The following CCDC171 variants were observed in gnomAD, a reference collection of about 807,000 sequenced individuals.
CCDC171 encodes coiled-coil domain-containing protein 171.
Under a neutral mutation model 168.2 loss-of-function variants are expected in CCDC171, and 177 were observed. The ratio of observed to expected loss-of-function variants is 1.05; its 90% confidence interval spans 0.93 to 1.19. The LOEUF is 1.19. Among genes scored for constraint, CCDC171 ranks in the 50% most tolerant of loss-of-function variants. The probability of loss-of-function intolerance (pLI) is 0.00; values close to 1 mark genes in which losing one functional copy is unlikely to be tolerated. For missense variants in CCDC171, 1,991 were observed against 1,539.0 expected (o/e 1.29, Z -4.91); for synonymous variants, 687 against 540.8 (o/e 1.27, Z -3.75).
the CCDC171 span, among the ~76,000 whole-genome samples, chr9:16,087,663 GA>G: frequency 7.3e-6 from 1 of 137,350 alleles, no homozygotes; most frequent in African/African-American, 2.7e-5. Context: ...TGGGTCTGTT[GA>G]ATACAGCACA....
At chr9:15,983,449 G>A (rs1376422306) in intron 3 of CCDC171, among the ~76,000 whole-genome samples, 2 of 150,566 alleles carry the variant, frequency 1.3e-5, no homozygotes, top group East Asian at 3.9e-4. Flanking sequence ...CCCATATTTT[G>A]TACAGTTTAT....
chr9:15,995,896 T>A (rs1348456021), intron 3 of CCDC171, among the ~76,000 whole-genome samples: 1 of 152,236 alleles, frequency 6.6e-6, no homozygotes, highest in East Asian at 1.9e-4. Context: ...ACTCTTTCAA[T>A]ACACAATCCA....
intron 6 of CCDC171, among the ~76,000 whole-genome samples, chr9:15,620,073 G>T: frequency 6.6e-6 from 1 of 152,132 alleles, no homozygotes; most frequent in East Asian, 1.9e-4. Context: ...CAATGCACTT[G>T]GTTACTGAAG....
At chr9:15,949,079 A>G (rs1042119356) in intron 25 of CCDC171, among the ~76,000 whole-genome samples, 2 of 152,066 alleles carry the variant, frequency 1.3e-5, no homozygotes, top group Non-Finnish European at 2.9e-5. Flanking sequence ...TTAAATAGGG[A>G]ATCCTTTCCC....
intron 21 of CCDC171, among the ~76,000 whole-genome samples, chr9:15,806,271 T>G (rs1019478608): frequency 2.6e-5 from 4 of 151,676 alleles, no homozygotes. Context: ...TGTGGTCCTG[T>G]CATAATGATG....
At chr9:15,927,426 AC>A (rs1826017517) in intron 25 of CCDC171, among the ~76,000 whole-genome samples, 1 of 151,686 alleles carries the variant, frequency 6.6e-6, no homozygotes, top group Non-Finnish European at 1.5e-5. Flanking sequence ...GAAACATGAT[AC>A]TTCAGTCTTG....
intron 25 of CCDC171, among the ~76,000 whole-genome samples, chr9:15,948,007 G>C (rs1828637359): frequency 6.7e-6 from 1 of 149,556 alleles, no homozygotes; most frequent in Non-Finnish European, 1.5e-5. Context: ...CCCACAGTGT[G>C]ATGTTCCCCT....
intron 21 of CCDC171, among the ~76,000 whole-genome samples, chr9:15,804,018 G>T (rs1358404720): frequency 1.3e-5 from 2 of 152,050 alleles, no homozygotes; most frequent in African/African-American, 2.4e-5. Flanking sequence ...GTTCATTCAT[G>T]ATTTGGCTCT....
In CCDC171 at chr9:15,992,777, A is replaced by G. The variant is rs185777048; in HGVS notation, n.369-27812A>G. Among the ~76,000 whole-genome samples the G allele has an allele frequency of 7.9e-5, 12 of 152,344 alleles. No homozygotes were observed. In the East Asian group the frequency reaches 2.1e-3, roughly 27 times the overall value. On this transcript the variant is annotated intron_variant and non_coding_transcript_variant, in intron 3 of 9. Coordinates refer to the CCDC171 transcript ENST00000486641. ...GATACATAATCAATGTGCAAAAATC[A>G]CAAGCATTCTTATACACCAATAACG...
intron 21 of CCDC171, among the ~76,000 whole-genome samples, chr9:15,809,920 A>T (rs2059260803): frequency 1.3e-5 from 2 of 152,104 alleles, no homozygotes; most frequent in Admixed American, 6.5e-5. Flanking sequence ...TCCATTTTAC[A>T]GAGAGCTGTT....
intron 25 of CCDC171, among the ~76,000 whole-genome samples, chr9:15,927,816 T>C (rs111854876): frequency 7.9e-5 from 12 of 151,724 alleles, no homozygotes; most frequent in Non-Finnish European, 1.3e-4. Flanking sequence ...GAGGGATCAT[T>C]TGTTAATTTT....
intron 3 of CCDC171, among the ~76,000 whole-genome samples, chr9:16,002,986 TGC>T (rs1360018853): frequency 6.6e-6 from 1 of 152,228 alleles, no homozygotes; most frequent in Non-Finnish European, 1.5e-5. Flanking sequence ...ACTCAACATT[TGC>T]ACAATGATGA....
the CCDC171 span, among the ~76,000 whole-genome samples, chr9:16,104,847 G>A: frequency 4.6e-5 from 7 of 152,022 alleles, no homozygotes; most frequent in East Asian, 1.9e-4. Context: ...CTTGACCTAC[G>A]GGGCTCAGCA....
In CCDC171 at chr9:15,987,461, T is replaced by TA. The variant is rs941140491; in HGVS notation, n.369-33118dup. On this transcript the variant is annotated intron_variant and non_coding_transcript_variant, in intron 3 of 9. Coordinates refer to the CCDC171 transcript ENST00000486641. Reference sequence around the variant, plus strand: ...AAAAGCAACAATATTGTAACAAATGTAAAAAAAAAAGCATGAAAAAGATAA... The same window carrying TA: ...AAAAGCAACAATATTGTAACAAATGTAAAAAAAAAAAGCATGAAAAAGATAA... Among the ~76,000 whole-genome samples, 58 of 145,358 alleles carry TA rather than the reference T, an allele frequency of 4.0e-4. 2 individuals carry two copies. The highest frequency in any genetic ancestry group is 1.3e-3 in the South Asian group (6 of 4,576).
rs114866584 is a variant in CCDC171, at chr9:15,687,460, C to G, written c.1216-7775C>G. Among the ~76,000 whole-genome samples, 1,468 of 150,808 alleles carry G rather than the reference C, an allele frequency of 9.7e-3. 26 individuals are homozygous for G. The highest frequency in any genetic ancestry group is 0.034 in the African/African-American group (1,404 of 41,210). On this transcript the variant is annotated intron_variant, in intron 10 of 25. Transcript: ENST00000380701. ...AAAAATCCTCAAATCAATAACCTAA[C>G]ATTTCACGGTAAGAAAAGAGAAAAA...
chr9:16,088,106 A>G, the CCDC171 span, among the ~76,000 whole-genome samples: 1 of 152,204 alleles, frequency 6.6e-6, no homozygotes, highest in Non-Finnish European at 1.5e-5. Flanking sequence ...ACATAAACAG[A>G]CCCAATGACA....
At chr9:16,018,366 A>G (rs1438601039) in intron 3 of CCDC171, among the ~76,000 whole-genome samples, 2 of 152,228 alleles carry the variant, frequency 1.3e-5, no homozygotes, top group Non-Finnish European at 2.9e-5. Context: ...AGGGGGTTCC[A>G]AAGATCTCAG....
the CCDC171 span, among the ~76,000 whole-genome samples, chr9:16,086,276 A>G: frequency 6.7e-6 from 1 of 149,120 alleles, no homozygotes; most frequent in Non-Finnish European, 1.5e-5. Context: ...ACTAGTTTGT[A>G]TTTCTATGGG....
At chr9:15,833,212 G>A (rs1022159540) in intron 21 of CCDC171, among the ~76,000 whole-genome samples, 45 of 151,938 alleles carry the variant, frequency 3.0e-4, no homozygotes, top group African/African-American at 8.7e-4. Flanking sequence ...GGCTGGTCTC[G>A]AACTCCTGAC....
Sources: allele counts gnomAD v4.1 joint callset (sites outside exome capture counted in the v4.1 genomes callset), GRCh38; gene constraint gnomAD v4.1.1; transcripts MANE v1.5; gene names NCBI Gene and HGNC (gene_info 2026-07-23, HGNC 2026-07-21).